TMEM266: variants seen among roughly 807,000 people sequenced by gnomAD.
TMEM266 encodes the protein Hv1 related protein 1.
Under a neutral mutation model 50.5 loss-of-function variants are expected in TMEM266, and 33 were observed. That is an observed-to-expected ratio of 0.65 (90% CI 0.50 to 0.87). The LOEUF is 0.87. TMEM266 is among the 40% of genes least tolerant of loss of function. The pLI, the probability that TMEM266 is intolerant of heterozygous loss-of-function variation, is 0.00. For synonymous variants in TMEM266, 310 were observed against 292.3 expected, an observed-to-expected ratio of 1.06 and a Z score of -0.62; for missense variants, 655 against 695.1, an observed-to-expected ratio of 0.94 and a Z score of 0.65.
intron 8 of TMEM266, among the ~76,000 whole-genome samples, chr15:76,189,362 GAGGAAGGA>G (rs570387591): frequency 6.9e-6 from 1 of 144,588 alleles, no homozygotes; most frequent in East Asian, 1.9e-4. Flanking sequence ...GGGAGGGAGG[GAGGAAGGA>G]AGGAAGGAAG....
intron 9 of TMEM266, among the ~76,000 whole-genome samples, chr15:76,193,911 T>G (rs1458416086): frequency 6.6e-6 from 1 of 152,168 alleles, no homozygotes; most frequent in Admixed American, 6.5e-5. Flanking sequence ...ATGTACTGCC[T>G]CCTCCCAGAG....
intron 1 of TMEM266, among the ~76,000 whole-genome samples, chr15:76,118,384 A>T (rs148504098): frequency 0.01 from 1,563 of 152,270 alleles, 28 homozygotes; most frequent in African/African-American, 0.034. Flanking sequence ...CAACATGGTA[A>T]AACCCCGTCT....
intron 3 of TMEM266, among the ~76,000 whole-genome samples, chr15:76,150,457 C>T (rs2037821581): frequency 6.6e-6 from 1 of 152,200 alleles, no homozygotes; most frequent in Non-Finnish European, 1.5e-5. Context: ...GGGAGATGGG[C>T]TGATGCCGTG....
chr15:76,188,767 G>A (rs1002556169), intron 8 of TMEM266, among the ~76,000 whole-genome samples: 1 of 152,142 alleles, frequency 6.6e-6, no homozygotes, highest in African/African-American at 2.4e-5. Context: ...ATGAGATTTG[G>A]GTGGGGACAC....
intron 8 of TMEM266, among the ~76,000 whole-genome samples, chr15:76,177,373 G>A (rs1043666525): frequency 6.6e-5 from 10 of 152,218 alleles, no homozygotes; most frequent in African/African-American, 2.4e-4. Context: ...CACTGTACCT[G>A]TTGGCTCCTC....
intron 7 of TMEM266, among the ~76,000 whole-genome samples, chr15:76,174,321 C>T (rs1323136618): frequency 2.6e-5 from 4 of 152,120 alleles, no homozygotes; most frequent in East Asian, 1.9e-4. Context: ...GAGGCTGAGG[C>T]GGGTGGATCA....
At chr15:76,178,274 G>A (rs2038328881) in intron 8 of TMEM266, among the ~76,000 whole-genome samples, 1 of 152,130 alleles carries the variant, frequency 6.6e-6, no homozygotes, top group Non-Finnish European at 1.5e-5. Context: ...AGGAAGACTG[G>A]GGACAGAGGC....
At chr15:76,170,660 G>A (rs1051686491) in intron 6 of TMEM266, among the ~76,000 whole-genome samples, 1 of 152,230 alleles carries the variant, frequency 6.6e-6, no homozygotes, top group Non-Finnish European at 1.5e-5. Flanking sequence ...GCCCTGCCAG[G>A]GAGGGATCCA....
chr15:76,163,657 C>T (rs544797382), intron 5 of TMEM266, among the ~76,000 whole-genome samples: 9 of 152,326 alleles, frequency 5.9e-5, no homozygotes, highest in Admixed American at 4.6e-4. Context: ...TCCCCCGAGA[C>T]TGCAGGAGTC....
chr15:76,078,656 GT>G (rs1002234223), intron 1 of TMEM266, among the ~76,000 whole-genome samples: 6 of 152,062 alleles, frequency 3.9e-5, no homozygotes, highest in Admixed American at 2.0e-4. Flanking sequence ...TTATTCAGCA[GT>G]TTTTTTTCTG....
At chr15:76,128,751 T>C (rs2037460552) in intron 1 of TMEM266, among the ~76,000 whole-genome samples, 1 of 152,222 alleles carries the variant, frequency 6.6e-6, no homozygotes, top group South Asian at 2.1e-4. Context: ...TTATTGTCCA[T>C]CTAAATATGA....
intron 3 of TMEM266, among the ~76,000 whole-genome samples, chr15:76,142,712 TC>T (rs1045095192): frequency 2.8e-4 from 43 of 152,132 alleles, no homozygotes; most frequent in African/African-American, 9.9e-4. Flanking sequence ...TGATGTGAAG[TC>T]AGAGCCCCAT....
intron 1 of TMEM266, among the ~76,000 whole-genome samples, chr15:76,066,725 G>A (rs2036428746): frequency 6.6e-6 from 1 of 152,148 alleles, no homozygotes; most frequent in Middle Eastern, 3.4e-3. Context: ...GGCATCTGCT[G>A]TGTGTGTCCC....
chr15:76,154,472 A>G (rs2037892997), intron 3 of TMEM266, among the ~76,000 whole-genome samples: 1 of 152,020 alleles, frequency 6.6e-6, no homozygotes, highest in South Asian at 2.1e-4. Flanking sequence ...GGCCTTCACC[A>G]TCTGGCCCCC....
chr15:76,063,707 T>G (rs1321040171), intron 1 of TMEM266, among the ~76,000 whole-genome samples: 1 of 152,230 alleles, frequency 6.6e-6, no homozygotes, highest in Non-Finnish European at 1.5e-5. Context: ...GCAGGGGTTC[T>G]GTGTATTTTG....
chr15:76,122,898 A>T (rs1436869473), intron 1 of TMEM266, among the ~76,000 whole-genome samples: 1 of 152,148 alleles, frequency 6.6e-6, no homozygotes, highest in Non-Finnish European at 1.5e-5. Flanking sequence ...AAAGATATTG[A>T]GGGGAAGGGA....
intron 9 of TMEM266, 98 bp from the exon 10 acceptor site, chr15:76,202,104 C>A: frequency 9.5e-7 from 1 of 1,052,334 alleles, no homozygotes; most frequent in Non-Finnish European, 1.4e-6. Context: ...TTCTGTGAGA[C>A]AGCTGCCTTC....
chr15:76,163,743 C>T (rs1222903306), intron 5 of TMEM266, among the ~76,000 whole-genome samples: 2 of 152,132 alleles, frequency 1.3e-5, no homozygotes, highest in East Asian at 3.9e-4. Flanking sequence ...GGTCGCATCC[C>T]TGGGGTCTGG....
intron 1 of TMEM266, among the ~76,000 whole-genome samples, chr15:76,107,506 A>T (rs1481562479): frequency 6.6e-6 from 1 of 152,242 alleles, no homozygotes; most frequent in African/African-American, 2.4e-5. Flanking sequence ...CCATATGAGC[A>T]AACTGAGAGT....
Sources: allele counts gnomAD v4.1 joint callset (sites outside exome capture counted in the v4.1 genomes callset), GRCh38; gene constraint gnomAD v4.1.1; transcripts MANE v1.5; gene names NCBI Gene and HGNC (gene_info 2026-07-23, HGNC 2026-07-21).